The following WDR19 variants were observed in gnomAD, a reference collection of about 807,000 sequenced individuals.
The protein encoded by WDR19 is WD repeat domain 19, also known as WD repeat-containing protein 19.
WDR19 carries 121 observed loss-of-function variants against 180.0 expected under a neutral mutation model. The observed-to-expected ratio is 0.67, with a 90% CI of 0.58 to 0.78. The LOEUF (loss-of-function observed/expected upper bound fraction) is 0.78, where lower values mean the gene tolerates loss of function less well. WDR19 is among the 30% of genes least tolerant of loss of function. The pLI, the probability that WDR19 is intolerant of heterozygous loss-of-function variation, is 0.00. For synonymous variants in WDR19, 497 were observed against 540.7 expected (o/e 0.92, Z 1.12); for missense variants, 1,450 against 1,640.7 (o/e 0.88, Z 2.01).
At chr4:39,282,185 C>G (rs571373321) in intron 36 of WDR19, among the ~76,000 whole-genome samples, 8 of 152,232 alleles carry the variant, frequency 5.3e-5, no homozygotes, top group African/African-American at 1.7e-4. Context: ...AAGCCCTGCC[C>G]ACACTCAAGA....
At chr4:39,217,905 GAA>G (rs1729236984) in intron 13 of WDR19, 76 bp from the exon 14 acceptor site, 1 of 1,534,618 alleles carries the variant, frequency 6.5e-7, no homozygotes, top group Admixed American at 2.0e-5. Flanking sequence ...GTGAACTTGA[GAA>G]AAAGACACCC....
rs1373427573 is a variant in WDR19 at position 39,188,927 on chromosome 4, T to TA, written c.165-729_165-728insA. Among the ~76,000 whole-genome samples, 5 of 146,244 alleles carry TA rather than the reference T, an allele frequency of 3.4e-5. No homozygotes were observed. The East Asian group carries it at 9.9e-4, about 29-fold the overall frequency. ...ACCACGCCCAGCTCATTTTTTTTTC[T>TA]TTTTTTTTTGGTAGAGATGGGACCT... On this transcript the variant is annotated intron_variant, in intron 3 of 36. Transcript: ENST00000399820.
At chr4:39,250,789 G>C (rs1175194915) in intron 24 of WDR19, among the ~76,000 whole-genome samples, 2 of 152,038 alleles carry the variant, frequency 1.3e-5, no homozygotes, top group African/African-American at 2.4e-5. Flanking sequence ...ACCTAGGAAT[G>C]CAACTTACAA....
At chr4:39,231,086 C>T (rs897309690) in intron 17 of WDR19, among the ~76,000 whole-genome samples, 2 of 151,678 alleles carry the variant, frequency 1.3e-5, no homozygotes, top group African/African-American at 4.8e-5. Flanking sequence ...CCGAGGCGGG[C>T]GGATCATGAG....
intron 21 of WDR19, among the ~76,000 whole-genome samples, chr4:39,242,357 A>G (rs1732048326): frequency 6.6e-6 from 1 of 152,124 alleles, no homozygotes; most frequent in Admixed American, 6.5e-5. Context: ...CCTGACCTCA[A>G]GCCATCCTCC....
At chr4:39,220,071 A>C (rs1333996301) in intron 14 of WDR19, among the ~76,000 whole-genome samples, 2 of 151,880 alleles carry the variant, frequency 1.3e-5, no homozygotes, top group African/African-American at 4.8e-5. Flanking sequence ...AATACAAAAA[A>C]ATAGCCGGGC....
At chr4:39,218,173 T>C in intron 14 of WDR19, 68 bp downstream of exon 14, 1 of 1,528,818 alleles carries the variant, frequency 6.5e-7, no homozygotes, top group South Asian at 1.2e-5. Flanking sequence ...TCTCAGTCAT[T>C]CTCTTTTCCT....
intron 24 of WDR19, among the ~76,000 whole-genome samples, chr4:39,252,523 A>T (rs867043331): frequency 0.011 from 720 of 67,964 alleles, 6 homozygotes; most frequent in African/African-American, 0.041. Flanking sequence ...AAAAATAATA[A>T]AAAAAAATTA....
At chr4:39,275,431 T>C in intron 33 of WDR19, 1 of 223,926 alleles carries the variant, frequency 4.5e-6, no homozygotes, top group Non-Finnish European at 9.0e-6. Flanking sequence ...CAAGTCAGTA[T>C]TTATTTGACT....
At chr4:39,201,357 A>T (rs1403854537) in intron 6 of WDR19, among the ~76,000 whole-genome samples, 1 of 152,190 alleles carries the variant, frequency 6.6e-6, no homozygotes, top group Non-Finnish European at 1.5e-5. Context: ...ATATCATATG[A>T]CTAGAACCTA....
chr4:39,240,363 T>G (rs1184178958), intron 21 of WDR19, 29 bp downstream of exon 21: 3 of 1,301,004 alleles, frequency 2.3e-6, no homozygotes, highest in African/African-American at 1.6e-5. Flanking sequence ...AAGATATGCC[T>G]AATTATGTCT....
At chr4:39,184,976 A>G (rs770734645) in intron 1 of WDR19, among the ~76,000 whole-genome samples, 6 of 152,204 alleles carry the variant, frequency 3.9e-5, no homozygotes, top group Non-Finnish European at 8.8e-5. Flanking sequence ...CTTACCCAGT[A>G]TATCAAAAAT....
chr4:39,258,698 A>G (rs1341517099), intron 28 of WDR19, among the ~76,000 whole-genome samples: 1 of 152,184 alleles, frequency 6.6e-6, no homozygotes, highest in African/African-American at 2.4e-5. Flanking sequence ...TGTCAGATAT[A>G]TGTTGCAAAA....
intron 9 of WDR19, among the ~76,000 whole-genome samples, chr4:39,209,711 CAA>C (rs71192833): frequency 3.8e-4 from 41 of 108,676 alleles, no homozygotes; most frequent in Middle Eastern, 4.8e-3. Context: ...GACTCTGTCT[CAA>C]AAAAAAAAAA....
chr4:39,247,369 A>G (rs186851763), intron 24 of WDR19, among the ~76,000 whole-genome samples: 1,656 of 152,310 alleles, frequency 0.011, 16 homozygotes, highest in Non-Finnish European at 0.017. Flanking sequence ...CACCATCATC[A>G]AAGACCAAAG....
At chr4:39,283,951 C>T (rs1281857921) in intron 36 of WDR19, among the ~76,000 whole-genome samples, 1 of 152,132 alleles carries the variant, frequency 6.6e-6, no homozygotes, top group Non-Finnish European at 1.5e-5. Context: ...CAGTATCAAA[C>T]TTCATTGTTC....
chr4:39,196,332 A>T (rs1205496772), intron 5 of WDR19, among the ~76,000 whole-genome samples: 2 of 152,168 alleles, frequency 1.3e-5, no homozygotes, highest in African/African-American at 4.8e-5. Context: ...CTTACTCAAC[A>T]TCTTCAGTGA....
chr4:39,194,470 G>T, intron 4 of WDR19, 74 bp from the exon 5 acceptor site: 1 of 875,088 alleles, frequency 1.1e-6, no homozygotes, highest in Non-Finnish European at 1.7e-6. Context: ...AATTATCCAA[G>T]GAGTACTTTT....
intron 31 of WDR19, among the ~76,000 whole-genome samples, chr4:39,270,675 G>A (rs749367465): frequency 1.3e-5 from 2 of 152,156 alleles, no homozygotes; most frequent in Non-Finnish European, 2.9e-5. Context: ...ACCACGCTCA[G>A]CTTTCTTATA....
Sources: allele counts gnomAD v4.1 joint callset (sites outside exome capture counted in the v4.1 genomes callset), GRCh38; gene constraint gnomAD v4.1.1; transcripts MANE v1.5; gene names NCBI Gene and HGNC (gene_info 2026-07-23, HGNC 2026-07-21).